The following GABRG3 variants were observed in gnomAD, a reference collection of about 807,000 sequenced individuals.
The protein encoded by GABRG3 is gamma-aminobutyric acid type A receptor subunit gamma3, also known as gamma-aminobutyric acid receptor subunit gamma-3.
In GABRG3, 25 loss-of-function variants were observed where a neutral mutation model predicts 48.8. The ratio of observed to expected loss-of-function variants is 0.51; its 90% CI spans 0.37 to 0.72. GABRG3 has a LOEUF of 0.72. Ranked by LOEUF, GABRG3 falls within the 30% of genes least tolerant of loss-of-function variation. The pLI is 0.00. For missense variants in GABRG3, 394 were observed against 577.9 expected (o/e 0.68, Z 3.26); for synonymous variants, 227 against 217.6 (o/e 1.04, Z -0.38).
intron 3 of GABRG3, among the ~76,000 whole-genome samples, chr15:27,168,486 G>A (rs930233713): frequency 3.3e-5 from 5 of 152,068 alleles, no homozygotes; most frequent in Non-Finnish European, 5.9e-5. Context: ...CTGAATGTTT[G>A]TGACACCCCC....
In GABRG3 at chr15:27,450,131, G is replaced by T. The variant is rs766515818; in HGVS notation, c.575-30519G>T. On this transcript the variant is annotated intron_variant, in intron 5 of 9. Coordinates refer to ENST00000615808, the MANE Select transcript of GABRG3 (RefSeq NM_033223.5). ...TGTTTTCTGGCAGACACACACTTGT[G>T]GGGGTGGAGTTTCATAGGCCTGACA... Among the ~76,000 whole-genome samples the T allele has an allele frequency of 5.9e-5, 9 of 152,256 alleles. No homozygotes were observed. In the East Asian group the frequency reaches 1.2e-3, roughly 20 times the overall value.
Position 27,307,156 on chromosome 15 carries a change from A to T in GABRG3, c.271-19653A>T, listed in dbSNP as rs552327528. 4.6e-3 allele frequency among the ~76,000 whole-genome samples: 626 copies of T among 137,124 alleles called. 4 individuals are homozygous for T. The highest frequency in any genetic ancestry group is 6.8e-3 in the Non-Finnish European group (439 of 64,718). 90.0% of individuals were successfully genotyped at this position (137,124 alleles called of 152,430 possible). On this transcript the variant is annotated intron_variant, in intron 3 of 9. Coordinates refer to ENST00000615808, the MANE Select transcript of GABRG3 (RefSeq NM_033223.5). The stretch of plus-strand genomic sequence containing the variant: ...CATGTTTATACATATATAAACATAT[A>T]AAAACATGTTTATACATAATATATA...
chr15:27,088,507 C>A (rs1404576835), intron 3 of GABRG3, among the ~76,000 whole-genome samples: 1 of 152,084 alleles, frequency 6.6e-6, no homozygotes, highest in Non-Finnish European at 1.5e-5. Flanking sequence ...CCAGTTCTCA[C>A]ACTGCTGTGA....
intron 5 of GABRG3, among the ~76,000 whole-genome samples, chr15:27,459,831 G>A (rs958047648): frequency 3.9e-5 from 6 of 152,110 alleles, no homozygotes; most frequent in African/African-American, 1.4e-4. Context: ...ATTTTCAGAA[G>A]TTTTTCCCTC....
chr15:27,257,518 T>G (rs956881308), intron 3 of GABRG3, among the ~76,000 whole-genome samples: 1 of 152,202 alleles, frequency 6.6e-6, no homozygotes, highest in Non-Finnish European at 1.5e-5. Context: ...GGTTTTACAT[T>G]GAAGTCTTTA....
chr15:27,202,885 A>G (rs1467802682), intron 3 of GABRG3, among the ~76,000 whole-genome samples: 1 of 152,072 alleles, frequency 6.6e-6, no homozygotes, highest in African/African-American at 2.4e-5. Flanking sequence ...TTTAGTTTTT[A>G]TGTGGTAAAA....
In GABRG3 at chr15:27,213,523, A is replaced by T. The variant is rs1889139063; in HGVS notation, c.271-113286A>T. Among the ~76,000 whole-genome samples the T allele has an allele frequency of 2.0e-5, 3 of 152,230 alleles. No homozygotes were observed. In the South Asian group the frequency reaches 6.2e-4, roughly 31 times the overall value. Reference sequence around the variant, plus strand: ...GGGGACTTCATTGTTACATTAACTCAGATAAACTAGAACCTCTTGGGGATT... The same window carrying T: ...GGGGACTTCATTGTTACATTAACTCTGATAAACTAGAACCTCTTGGGGATT... On this transcript the variant is annotated intron_variant, in intron 3 of 9. Coordinates refer to ENST00000615808, the MANE Select transcript of GABRG3 (RefSeq NM_033223.5).
chr15:27,156,978 C>A (rs1352907189), intron 3 of GABRG3, among the ~76,000 whole-genome samples: 1 of 152,162 alleles, frequency 6.6e-6, no homozygotes, highest in Non-Finnish European at 1.5e-5. Context: ...TGTAGAATGA[C>A]ATTATTTTCT....
At chr15:27,077,007 C>T (rs1896921421) in intron 3 of GABRG3, among the ~76,000 whole-genome samples, 1 of 152,200 alleles carries the variant, frequency 6.6e-6, no homozygotes, top group Non-Finnish European at 1.5e-5. Context: ...TGACCTGCTC[C>T]AACCCGAGGC....
intron 5 of GABRG3, among the ~76,000 whole-genome samples, chr15:27,368,291 T>G (rs779901251): frequency 5.3e-5 from 8 of 152,074 alleles, no homozygotes; most frequent in Non-Finnish European, 1.2e-4. Flanking sequence ...GGAAACATGA[T>G]GGAGGTGTGT....
Position 27,533,021 on chromosome 15 carries a change from C to A in GABRG3, c.*140C>A. On this transcript the variant is annotated 3_prime_UTR_variant, in exon 10 of 10. Coordinates refer to ENST00000615808, the MANE Select transcript of GABRG3 (RefSeq NM_033223.5). ...TGTTATAAATGACCTTTCAGCAACA[C>A]AGGAAGTACCCAGCAAAGGTTTCTA... 1.4e-6 allele frequency: 1 copy of A among 710,150 alleles called. No individual in the cohort carries two copies. The highest frequency in any genetic ancestry group is 2.3e-6 in the Non-Finnish European group (1 of 435,632). The allele number at this position is 710,150 out of a possible 1,614,324, so 44.0% of individuals were successfully genotyped here.
intron 5 of GABRG3, among the ~76,000 whole-genome samples, chr15:27,428,584 C>A (rs1191714744): frequency 6.6e-6 from 1 of 152,112 alleles, no homozygotes; most frequent in Non-Finnish European, 1.5e-5. Flanking sequence ...GTGTAATTTT[C>A]AAAAATAACA....
chr15:26,983,486 G>T (rs76778248), intron 2 of GABRG3, among the ~76,000 whole-genome samples: 7,460 of 152,198 alleles, frequency 0.049, 599 homozygotes, highest in African/African-American at 0.17. Flanking sequence ...GTTGCACTTC[G>T]CTTCTCAGAT....
chr15:27,292,751 T>C (rs959531132), intron 3 of GABRG3, among the ~76,000 whole-genome samples: 1 of 152,156 alleles, frequency 6.6e-6, no homozygotes, highest in Non-Finnish European at 1.5e-5. Flanking sequence ...GAAGCAACAA[T>C]GTGAAAAGCA....
chr15:27,170,169 T>G (rs937058257), intron 3 of GABRG3, among the ~76,000 whole-genome samples: 1 of 152,092 alleles, frequency 6.6e-6, no homozygotes, highest in Non-Finnish European at 1.5e-5. Flanking sequence ...GTGGGTAAAT[T>G]TTTTCCATTC....
chr15:27,276,868 T>A (rs1301782912), intron 3 of GABRG3, among the ~76,000 whole-genome samples: 1 of 152,196 alleles, frequency 6.6e-6, no homozygotes, highest in Non-Finnish European at 1.5e-5. Flanking sequence ...TCCATGCCAT[T>A]GGGATCACAT....
intron 3 of GABRG3, among the ~76,000 whole-genome samples, chr15:27,069,330 G>A (rs910552889): frequency 6.6e-6 from 1 of 152,186 alleles, no homozygotes; most frequent in African/African-American, 2.4e-5. Context: ...CATAGAGGCA[G>A]GCTACATCCC....
At chr15:27,464,973 A>G (rs1167546395) in intron 5 of GABRG3, among the ~76,000 whole-genome samples, 2 of 152,190 alleles carry the variant, frequency 1.3e-5, no homozygotes, top group African/African-American at 4.8e-5. Context: ...CAAAGCTAAC[A>G]ATTTCAAATT....
intron 3 of GABRG3, among the ~76,000 whole-genome samples, chr15:27,160,039 C>A (rs1887117537): frequency 6.6e-6 from 1 of 152,176 alleles, no homozygotes; most frequent in South Asian, 2.1e-4. Flanking sequence ...CCCACCTGAA[C>A]CCCTCACTGT....
Sources: allele counts gnomAD v4.1 joint callset (sites outside exome capture counted in the v4.1 genomes callset), GRCh38; gene constraint gnomAD v4.1.1; transcripts MANE v1.5; gene names NCBI Gene and HGNC (gene_info 2026-07-23, HGNC 2026-07-21).